Variants in NAP1L4 observed in about 807,000 individuals in gnomAD.
NAP1L4 encodes the protein nucleosome assembly protein 1 like 4.
In NAP1L4, 15 loss-of-function variants were observed where a neutral mutation model predicts 58.2. That is an observed-to-expected ratio of 0.26 (90% CI 0.17 to 0.40). NAP1L4 has a LOEUF of 0.40. NAP1L4 is among the 10% of genes least tolerant of loss of function. NAP1L4 has a pLI of 1.00. For synonymous variants in NAP1L4, 171 were observed against 155.6 expected (o/e 1.10, Z -0.74); for missense variants, 384 against 451.1 (o/e 0.85, Z 1.35).
At chr11:2,961,458 G>C (rs1481550016) in intron 8 of NAP1L4, among the ~76,000 whole-genome samples, 1 of 149,200 alleles carries the variant, frequency 6.7e-6, no homozygotes. Flanking sequence ...CAGGGAATCA[G>C]CATCAAATAA....
intron 1 of NAP1L4, 51 bp from the exon 2 acceptor site, chr11:2,979,288 G>T: frequency 1.4e-6 from 2 of 1,477,732 alleles, no homozygotes; most frequent in Non-Finnish European, 1.9e-6. Flanking sequence ...AAAAATGTTT[G>T]TTCAATATAC....
At position 2,971,562 on chromosome 11, in the gene NAP1L4, TTA is replaced by T. The variant is rs575911042; in HGVS notation, c.316-30_316-29del. The T allele has an allele frequency of 2.5e-4, 388 of 1,580,130 alleles. 3 individuals are homozygous for T. In the African/African-American group the frequency reaches 4.5e-3, roughly 19 times the overall value. On this transcript the variant is annotated intron_variant, in intron 5 of 15. Coordinates refer to ENST00000380542, the MANE Select transcript of NAP1L4 (RefSeq NM_005969.4). The surrounding 1 kb of genome is among the most constrained non-coding windows in gnomAD (Gnocchi z 4.2). ...ACATAAAAATGAGACCTTATTAGAA[TTA>T]TGTTATTAGCTTACTTAGGAACTCA...
At chr11:2,972,793 A>C (rs1018609247) in intron 4 of NAP1L4, among the ~76,000 whole-genome samples, 3 of 152,112 alleles carry the variant, frequency 2.0e-5, no homozygotes, top group Non-Finnish European at 2.9e-5. Context: ...ATACAGCAAG[A>C]CCTCTCTCTA....
intron 7 of NAP1L4, among the ~76,000 whole-genome samples, chr11:2,968,101 C>G (rs1847394997): frequency 6.6e-6 from 1 of 152,186 alleles, no homozygotes; most frequent in Non-Finnish European, 1.5e-5. Context: ...CAGACAGCCC[C>G]ACAGAACCAG....
chr11:2,974,466 C>T (rs1351990896), intron 4 of NAP1L4, among the ~76,000 whole-genome samples: 2 of 152,212 alleles, frequency 1.3e-5, no homozygotes, highest in African/African-American at 4.8e-5. Context: ...GAAACCATTA[C>T]TCATTCTCAT....
intron 7 of NAP1L4, among the ~76,000 whole-genome samples, chr11:2,965,887 G>A (rs989389827): frequency 3.3e-5 from 5 of 152,174 alleles, no homozygotes; most frequent in Admixed American, 1.3e-4. Flanking sequence ...TCCAACTTGC[G>A]GGCACCATGG....
chr11:2,989,559 A>C (rs1025610385), intron 1 of NAP1L4, among the ~76,000 whole-genome samples: 6 of 152,216 alleles, frequency 3.9e-5, no homozygotes, highest in African/African-American at 1.4e-4. Context: ...CAGACAACTA[A>C]AGGGAAGGAA....
intron 10 of NAP1L4, among the ~76,000 whole-genome samples, chr11:2,957,632 G>A (rs1021523083): frequency 2.6e-5 from 4 of 152,146 alleles, no homozygotes; most frequent in African/African-American, 9.7e-5. Context: ...ATTTTCTCGC[G>A]ATTAGGAAAT....
intron 8 of NAP1L4, among the ~76,000 whole-genome samples, chr11:2,960,369 ACAGCTTTTCT>A (rs1198518207): frequency 6.6e-6 from 1 of 152,164 alleles, no homozygotes; most frequent in Non-Finnish European, 1.5e-5. Context: ...GCAGTGACCC[ACAGCTTTTCT>A]CCCGGGAGGT....
At position 2,949,320 on chromosome 11, in the gene NAP1L4, C is replaced by A. The variant is rs1219798745; in HGVS notation, c.1123-56G>T. On this transcript the variant is annotated intron_variant, in intron 14 of 15. Transcript: ENST00000380542. This position sits in a 1 kb window ranked among gnomAD's most constrained non-coding sequence, Gnocchi z 4.0. Reference sequence around the variant, plus strand: ...TCAGCATGAAAGAAAATGAAATGCACAAAATTATACAGGAGGAAACGGCCA... The same window carrying A: ...TCAGCATGAAAGAAAATGAAATGCAAAAAATTATACAGGAGGAAACGGCCA... 4 of 1,397,116 alleles carry A rather than the reference C, an allele frequency of 2.9e-6. No homozygotes were observed. The East Asian group carries it at 6.8e-5, about 24-fold the overall frequency. The allele number at this position is 1,397,116 out of a possible 1,614,324, so 86.5% of individuals were successfully genotyped here. A position where few individuals can be genotyped will look rare whatever the true frequency, so the allele number is the denominator to read the frequency against.
At chr11:2,975,411 C>T (rs1847895236) in intron 4 of NAP1L4, among the ~76,000 whole-genome samples, 1 of 152,120 alleles carries the variant, frequency 6.6e-6, no homozygotes, top group South Asian at 2.1e-4. Flanking sequence ...TAGTGCAATA[C>T]ATCTAGCACA....
At chr11:2,964,030 T>C (rs1847110342) in intron 8 of NAP1L4, 4 of 424,160 alleles carry the variant, frequency 9.4e-6, no homozygotes, top group Non-Finnish European at 1.9e-5. Context: ...GCCACTAACA[T>C]TACTAATGCA....
intron 7 of NAP1L4, among the ~76,000 whole-genome samples, chr11:2,965,720 C>T (rs1397454497): frequency 7.2e-5 from 11 of 152,090 alleles, no homozygotes; most frequent in South Asian, 4.2e-4. Context: ...TTAGTAGAGA[C>T]GGGGTTTCAC....
intron 15 of NAP1L4, among the ~76,000 whole-genome samples, chr11:2,945,918 G>T (rs910998737): frequency 1.3e-5 from 2 of 152,168 alleles, no homozygotes; most frequent in African/African-American, 4.8e-5. Flanking sequence ...GGCTCCTTGG[G>T]GTGGTGGAGC....
chr11:2,961,635 T>G (rs1260027796), intron 8 of NAP1L4, among the ~76,000 whole-genome samples: 1 of 152,012 alleles, frequency 6.6e-6, no homozygotes. Context: ...GTGGCCCCAA[T>G]AAAACAAATA....
chr11:2,981,309 C>G (rs1229618109), intron 1 of NAP1L4, among the ~76,000 whole-genome samples: 3 of 150,598 alleles, frequency 2.0e-5, no homozygotes, highest in African/African-American at 7.3e-5. Flanking sequence ...ACTTGAGAGG[C>G]TGAGACAGAA....
At chr11:2,978,725 T>C (rs1342657258) in intron 2 of NAP1L4, among the ~76,000 whole-genome samples, 1 of 152,226 alleles carries the variant, frequency 6.6e-6, no homozygotes, top group Admixed American at 6.5e-5. Context: ...AGCAAGGCAG[T>C]CTTACCAAGT....
chr11:2,987,902 A>C (rs1312126288), intron 1 of NAP1L4, among the ~76,000 whole-genome samples: 1 of 152,128 alleles, frequency 6.6e-6, no homozygotes, highest in Non-Finnish European at 1.5e-5. Context: ...GGTTGCCAAG[A>C]AATCTTTGCT....
At chr11:2,961,732 A>G (rs562439602) in intron 8 of NAP1L4, among the ~76,000 whole-genome samples, 3 of 152,104 alleles carry the variant, frequency 2.0e-5, no homozygotes, top group African/African-American at 7.2e-5. Context: ...AGTTCTCCCT[A>G]TGTTGCCCAG....
Sources: gnomAD v4.1 joint callset for allele counts (sites outside exome capture counted in the v4.1 genomes callset) on GRCh38, gnomAD v4.1.1 for gene constraint, Gnocchi (gnomAD v3.1) non-coding constraint, MANE v1.5 for transcripts, NCBI Gene and HGNC (gene_info 2026-07-23, HGNC 2026-07-21) for gene names.